Variants in EIF4ENIF1 observed in about 807,000 individuals in gnomAD.
EIF4ENIF1 encodes the protein eukaryotic translation initiation factor 4E transporter.
EIF4ENIF1 carries 23 observed loss-of-function variants against 110.5 expected under a neutral mutation model. The observed-to-expected ratio is 0.21, with a 90% CI of 0.15 to 0.29. The LOEUF (loss-of-function observed/expected upper bound fraction) is 0.29, where lower values mean the gene tolerates loss of function less well. EIF4ENIF1 is among the 10% of genes least tolerant of loss of function. The pLI, the probability that EIF4ENIF1 is intolerant of heterozygous loss-of-function variation, is 1.00. For missense variants in EIF4ENIF1, 1,031 were observed against 1,221.1 expected (o/e 0.84, Z 2.32); for synonymous variants, 440 against 437.0 (o/e 1.01, Z -0.09).
chr22:31,449,291 T>C, intron 12 of EIF4ENIF1, 57 bp downstream of exon 12: 1 of 1,549,302 alleles, frequency 6.5e-7, no homozygotes, highest in South Asian at 1.2e-5. Context: ...ATTACAGGCA[T>C]GAGCTACCGT....
chr22:31,488,734 A>C lies in EIF4ENIF1; in HGVS notation c.-16T>G. On this transcript the variant is annotated 5_prime_UTR_variant, in exon 2 of 19. It adds an upstream start codon to the 5' untranslated region. Coordinates refer to ENST00000330125, the MANE Select transcript of EIF4ENIF1 (RefSeq NM_019843.4). Reference sequence around the variant, plus strand: ...TCCTATCCATGGCTCCTTGGTCTACAATGCTCTGCACCTGGAAGATAAATC... The same window carrying C: ...TCCTATCCATGGCTCCTTGGTCTACCATGCTCTGCACCTGGAAGATAAATC... 1 of 1,613,058 alleles carries C rather than the reference A, an allele frequency of 6.2e-7. No individual in the cohort carries two copies. Among genetic ancestry groups the C allele is most frequent in the Non-Finnish European group, 8.5e-7 (1 of 1,179,622 alleles).
chr22:31,477,219 CTGGGT>C, intron 2 of EIF4ENIF1, among the ~76,000 whole-genome samples: 2 of 151,548 alleles, frequency 1.3e-5, no homozygotes, highest in Non-Finnish European at 2.9e-5. Flanking sequence ...AAAAAATTAG[CTGGGT>C]ATGATGGCGC....
intron 2 of EIF4ENIF1, among the ~76,000 whole-genome samples, chr22:31,480,727 C>T (rs1172666285): frequency 6.6e-6 from 1 of 151,624 alleles, no homozygotes; most frequent in African/African-American, 2.4e-5. Flanking sequence ...TGCACTCCAG[C>T]CTGGGCAACA....
At position 31,462,904 on chromosome 22, in the gene EIF4ENIF1, G is replaced by T. The variant is rs375132437; in HGVS notation, c.787+28C>A. On this transcript the variant is annotated intron_variant, in intron 6 of 18. Transcript: ENST00000330125. ...AGCCTACATCTCATTTTAAAACAGC[G>T]AACTTCCCTCCCAAAGTTTGAACTG... The T allele has an allele frequency of 3.7e-6, 6 of 1,609,344 alleles. No homozygotes were observed. The South Asian group carries it at 6.6e-5, about 18-fold the overall frequency.
At chr22:31,488,254 A>G (rs2052119625) in intron 2 of EIF4ENIF1, among the ~76,000 whole-genome samples, 1 of 152,194 alleles carries the variant, frequency 6.6e-6, no homozygotes, top group South Asian at 2.1e-4. Context: ...GGAAACATCA[A>G]TACAGAGGAC....
upstream of EIF4ENIF1, among the ~76,000 whole-genome samples, chr22:31,492,985 C>T (rs990578086): frequency 2.6e-5 from 4 of 151,862 alleles, no homozygotes; most frequent in African/African-American, 9.7e-5. Flanking sequence ...CCACCTCGGC[C>T]TCCCAAAGTG....
chr22:31,455,084 T>C, intron 9 of EIF4ENIF1, 52 bp downstream of exon 9: 1 of 1,484,448 alleles, frequency 6.7e-7, no homozygotes, highest in Non-Finnish European at 9.0e-7. Flanking sequence ...GCCTGAAGAC[T>C]GAACATCTAG....
intron 10 of EIF4ENIF1, chr22:31,450,706 A>G (rs2050618991): frequency 3.4e-6 from 1 of 294,074 alleles, no homozygotes; most frequent in Non-Finnish European, 6.4e-6. Flanking sequence ...TACCTTTAAC[A>G]AGATTTATTG....
At chr22:31,460,542 T>C (rs1452932509) in intron 6 of EIF4ENIF1, among the ~76,000 whole-genome samples, 1 of 151,662 alleles carries the variant, frequency 6.6e-6, no homozygotes, top group African/African-American at 2.4e-5. Flanking sequence ...TGAGGCAGAA[T>C]TGCTTGACCC....
intron 2 of EIF4ENIF1, among the ~76,000 whole-genome samples, chr22:31,477,747 T>TA (rs1164793317): frequency 6.6e-6 from 1 of 151,692 alleles, no homozygotes; most frequent in East Asian, 1.9e-4. Flanking sequence ...CACCTGTCCA[T>TA]AGAGGATAAA....
At chr22:31,474,222 T>C (rs2051490813) in intron 2 of EIF4ENIF1, among the ~76,000 whole-genome samples, 1 of 152,066 alleles carries the variant, frequency 6.6e-6, no homozygotes, top group South Asian at 2.1e-4. Flanking sequence ...CATGGCTGGC[T>C]AATTTTTTTT....
rs957296131 is a variant in EIF4ENIF1, at chr22:31,489,790, C to G, written c.-124G>C. ...AGCGCCGCTCCCCGCAGCCTTCGCT[C>G]TCGCGCCCCCACCCCGACCGGCTTG... On this transcript the variant is annotated 5_prime_UTR_variant, in exon 1 of 19. Transcript: ENST00000330125. 1 of 152,234 alleles carries G rather than the reference C, an allele frequency of 6.6e-6. No homozygotes were observed. Among genetic ancestry groups the G allele is most frequent in the Non-Finnish European group, 1.5e-5 (1 of 68,202 alleles). The allele number at this position is 152,234 out of a possible 1,614,324, so 9.4% of individuals were successfully genotyped here. A position where few individuals can be genotyped will look rare whatever the true frequency, so the allele number is the denominator to read the frequency against.
chr22:31,446,193 G>T (rs563443005), intron 14 of EIF4ENIF1, among the ~76,000 whole-genome samples: 1 of 150,102 alleles, frequency 6.7e-6, no homozygotes, highest in East Asian at 2.0e-4. Context: ...GCTGAGGCAT[G>T]AGAACTGCTT....
chr22:31,490,968 T>C (rs3788435), upstream of EIF4ENIF1, among the ~76,000 whole-genome samples: 3,704 of 152,342 alleles, frequency 0.024, 126 homozygotes, highest in Admixed American at 0.078. Context: ...CTTGTGAATC[T>C]TGGCAACAGA....
chr22:31,466,507 G>A (rs951912357), intron 4 of EIF4ENIF1, among the ~76,000 whole-genome samples: 1 of 151,848 alleles, frequency 6.6e-6, no homozygotes. Context: ...GCTTTAACCT[G>A]GGAGGCAGAG....
chr22:31,451,546 T>A (rs2050676063), intron 10 of EIF4ENIF1, among the ~76,000 whole-genome samples: 1 of 152,076 alleles, frequency 6.6e-6, no homozygotes, highest in Admixed American at 6.5e-5. Context: ...AGTACTGGGA[T>A]TACAGGCATG....
downstream of EIF4ENIF1, chr22:31,439,304 C>CCTGT (rs2050223302): frequency 6.5e-6 from 1 of 153,174 alleles, no homozygotes; most frequent in African/African-American, 2.4e-5. Context: ...AGAGTGAGAC[C>CCTGT]CTGTCTCCAA....
At chr22:31,471,288 G>A (rs1405369478) in intron 3 of EIF4ENIF1, among the ~76,000 whole-genome samples, 3 of 151,060 alleles carry the variant, frequency 2.0e-5, no homozygotes, top group Non-Finnish European at 4.4e-5. Flanking sequence ...TAGAGGACAA[G>A]ACCCTGGTGA....
At chr22:31,450,552 C>T (rs1001052069) in intron 10 of EIF4ENIF1, 192 bp from the exon 11 acceptor site, 8 of 466,680 alleles carry the variant, frequency 1.7e-5, no homozygotes, top group South Asian at 1.3e-4. Context: ...ATGGAAAGAC[C>T]GTTCACATGT....
Sources: gnomAD v4.1 joint callset for allele counts (sites outside exome capture counted in the v4.1 genomes callset) on GRCh38, gnomAD v4.1.1 for gene constraint, MANE v1.5 for transcripts, NCBI Gene and HGNC (gene_info 2026-07-23, HGNC 2026-07-21) for gene names.